NINJ2: variants seen among roughly 807,000 people sequenced by gnomAD.
The protein encoded by NINJ2 is ninjurin 2.
NINJ2 carries 12 observed loss-of-function variants against 11.7 expected under a neutral mutation model. The observed-to-expected ratio is 1.02, with a 90% CI of 0.66 to 1.66. The LOEUF is 1.66. Ranked by LOEUF, NINJ2 falls within the 40% of genes most tolerant of loss-of-function variation. The probability of loss-of-function intolerance (pLI) is 0.00; values close to 1 mark genes in which losing one functional copy is unlikely to be tolerated. For missense variants in NINJ2, 187 were observed against 181.8 expected (o/e 1.03, Z -0.16); for synonymous variants, 93 against 76.8 (o/e 1.21, Z -1.10).
intron 1 of NINJ2, among the ~76,000 whole-genome samples, chr12:574,676 C>T (rs1468789582): frequency 6.6e-6 from 1 of 152,236 alleles, no homozygotes; most frequent in African/African-American, 2.4e-5. Flanking sequence ...CTTGGACTTG[C>T]CAGTCTCCAG....
At position 653,022 on chromosome 12, in the gene NINJ2, T is replaced by C. The variant is rs548806337; in HGVS notation, c.33+10306A>G. Among the ~76,000 whole-genome samples the C allele has an allele frequency of 6.8e-3, 949 of 138,866 alleles. 19 individuals carry two copies. The highest frequency in any genetic ancestry group is 0.024 in the African/African-American group (899 of 37,622). The allele number at this position is 138,866 out of a possible 152,430, so 91.1% of individuals were successfully genotyped here. A position where few individuals can be genotyped will look rare whatever the true frequency, so the allele number is the denominator to read the frequency against. ...ATACAAAGTAATATTTTGTTTCTTT[T>C]TTTTTTTTTTTTTTTTGAGATGGAG... is the stretch of plus-strand genomic sequence containing the variant. On this transcript the variant is annotated intron_variant, in intron 1 of 3. Coordinates refer to ENST00000305108, the MANE Select transcript of NINJ2 (RefSeq NM_016533.6).
At chr12:621,938 C>T (rs1457228399) in intron 1 of NINJ2, among the ~76,000 whole-genome samples, 1 of 149,576 alleles carries the variant, frequency 6.7e-6, no homozygotes, top group Non-Finnish European at 1.5e-5. Flanking sequence ...TCGTGACCAG[C>T]CTGGCCAAGA....
chr12:659,902 T>C (rs992521426), intron 1 of NINJ2, among the ~76,000 whole-genome samples: 2 of 152,096 alleles, frequency 1.3e-5, no homozygotes, highest in African/African-American at 4.8e-5. Context: ...TACTAAGACA[T>C]TGAGGGTATG....
chr12:591,509 G>T lies in NINJ2; in HGVS notation c.34-25331C>A, dbSNP rs2607924. 1.2e-3 allele frequency among the ~76,000 whole-genome samples: 183 copies of T among 152,110 alleles called. 1 individual carries two copies. The highest frequency in any genetic ancestry group is 4.1e-3 in the African/African-American group (172 of 41,486). ...GGACTGAGTGCTGATTCACCTACTAGGTTGGTCAGAGGGTTGGGGGCAACT... is the reference window on the plus strand; with the variant it reads ...GGACTGAGTGCTGATTCACCTACTATGTTGGTCAGAGGGTTGGGGGCAACT... On this transcript the variant is annotated intron_variant, in intron 1 of 3. Coordinates refer to ENST00000305108, the MANE Select transcript of NINJ2 (RefSeq NM_016533.6). This position sits in a 1 kb window ranked among gnomAD's most constrained non-coding sequence, Gnocchi z 5.0.
chr12:575,232 T>C (rs1947438500), intron 1 of NINJ2, among the ~76,000 whole-genome samples: 1 of 152,208 alleles, frequency 6.6e-6, no homozygotes, highest in African/African-American at 2.4e-5. Context: ...GCATTGGGTC[T>C]CCAGGGTCAT....
intron 1 of NINJ2, among the ~76,000 whole-genome samples, chr12:622,456 C>CT: frequency 6.9e-6 from 1 of 144,790 alleles, no homozygotes; most frequent in East Asian, 2.0e-4. Flanking sequence ...AAGAAAGGGG[C>CT]TACCTAAAGA....
Position 663,421 on chromosome 12 carries a change from T to A in NINJ2, c.-61A>T, listed in dbSNP as rs1339859634. The A allele has an allele frequency of 5.6e-6, 9 of 1,613,978 alleles. No individual in the cohort carries two copies. The highest frequency in any genetic ancestry group is 7.6e-6 in the Non-Finnish European group (9 of 1,179,974). ...GCCGGGAACAGACTGCGTGGGCTCCTCCAGGCTCCGCCGTCTGAGTCTCTG... is the reference window on the plus strand; with the variant it reads ...GCCGGGAACAGACTGCGTGGGCTCCACCAGGCTCCGCCGTCTGAGTCTCTG... On this transcript the variant is annotated 5_prime_UTR_variant, in exon 1 of 4. Transcript: ENST00000305108.
At chr12:589,350 C>G in intron 1 of NINJ2, among the ~76,000 whole-genome samples, 1 of 152,166 alleles carries the variant, frequency 6.6e-6, no homozygotes, top group Non-Finnish European at 1.5e-5. Flanking sequence ...TCAGTAAGAA[C>G]ATGATATGAT....
chr12:602,730 G>A (rs1947888258), intron 1 of NINJ2, among the ~76,000 whole-genome samples: 1 of 152,180 alleles, frequency 6.6e-6, no homozygotes, highest in Non-Finnish European at 1.5e-5. Flanking sequence ...AGTAAAGTAG[G>A]AGATTCCAGT....
chr12:584,161 T>C (rs1001194979), intron 1 of NINJ2, among the ~76,000 whole-genome samples: 3 of 152,162 alleles, frequency 2.0e-5, no homozygotes, highest in Non-Finnish European at 4.4e-5. Flanking sequence ...ATGAAAGTGG[T>C]TTACAAACTG....
chr12:565,540 C>A (rs77250292), intron 2 of NINJ2, 139 bp from the exon 3 acceptor site: 3 of 895,008 alleles, frequency 3.4e-6, no homozygotes, highest in Non-Finnish European at 5.1e-6. Flanking sequence ...TGGTCGTCAT[C>A]GGGCTGAGAT....
intron 1 of NINJ2, among the ~76,000 whole-genome samples, chr12:601,731 T>C (rs1269072970): frequency 1.3e-5 from 2 of 151,890 alleles, no homozygotes. Flanking sequence ...CTGGGTGTGG[T>C]GGCGGGTGCC....
At chr12:617,287 G>T (rs772519965) in intron 1 of NINJ2, among the ~76,000 whole-genome samples, 1 of 152,146 alleles carries the variant, frequency 6.6e-6, no homozygotes, top group Non-Finnish European at 1.5e-5. Context: ...CCTGGGATGC[G>T]CTAAGAGGAC....
intron 1 of NINJ2, among the ~76,000 whole-genome samples, chr12:607,940 G>A (rs1324810672): frequency 6.6e-6 from 1 of 152,138 alleles, no homozygotes; most frequent in Non-Finnish European, 1.5e-5. Context: ...ATCAGCCACC[G>A]TCTTTGTGCT....
chr12:581,934 G>A lies in NINJ2; in HGVS notation c.34-15756C>T, dbSNP rs1313031553. 6.6e-6 allele frequency among the ~76,000 whole-genome samples: 1 copy of A among 152,086 alleles called. No homozygotes were observed. The highest frequency in any genetic ancestry group is 1.5e-5 in the Non-Finnish European group (1 of 68,018). ...TCCGCGGACGCTGAACACACAAAAAGCCCAGCCCTGGAGGGATTCCAATCC... is the reference window on the plus strand; with the variant it reads ...TCCGCGGACGCTGAACACACAAAAAACCCAGCCCTGGAGGGATTCCAATCC... On this transcript the variant is annotated intron_variant, in intron 1 of 3. Transcript: ENST00000305108. This position sits in a 1 kb window ranked among gnomAD's most constrained non-coding sequence, Gnocchi z 4.9.
intron 1 of NINJ2, among the ~76,000 whole-genome samples, chr12:653,126 T>A (rs1305216889): frequency 7.0e-6 from 1 of 142,666 alleles, no homozygotes; most frequent in Non-Finnish European, 1.5e-5. Context: ...GTTCACACCA[T>A]TCTCCTGCCT....
chr12:659,029 T>C (rs987732448), intron 1 of NINJ2, among the ~76,000 whole-genome samples: 1 of 147,410 alleles, frequency 6.8e-6, no homozygotes, highest in African/African-American at 2.5e-5. Flanking sequence ...TCTCTATATA[T>C]AACTGCTATT....
Position 633,054 on chromosome 12 carries a change from T to C in NINJ2, c.33+30274A>G, listed in dbSNP as rs1948302138. 6.6e-6 allele frequency among the ~76,000 whole-genome samples: 1 copy of C among 152,190 alleles called. No homozygotes were observed. The highest frequency in any genetic ancestry group is 2.4e-5 in the African/African-American group (1 of 41,448). Reference sequence around the variant, plus strand: ...TTTCAATCAGAAAGGTCGTGAAATATACCTCAGCCTGGCATTGGGCTTGGG... The same window carrying C: ...TTTCAATCAGAAAGGTCGTGAAATACACCTCAGCCTGGCATTGGGCTTGGG... On this transcript the variant is annotated intron_variant, in intron 1 of 3. Transcript: ENST00000305108. This position sits in a 1 kb window ranked among gnomAD's most constrained non-coding sequence, Gnocchi z 4.3.
intron 1 of NINJ2, among the ~76,000 whole-genome samples, chr12:661,791 G>A (rs1019845841): frequency 9.9e-5 from 15 of 152,212 alleles, no homozygotes; most frequent in African/African-American, 3.6e-4. Flanking sequence ...GAGGTCTTGG[G>A]CCAATTAGGT....
Sources: allele counts gnomAD v4.1 joint callset (sites outside exome capture counted in the v4.1 genomes callset), GRCh38; gene constraint gnomAD v4.1.1; non-coding constraint Gnocchi (gnomAD v3.1); transcripts MANE v1.5; gene names NCBI Gene and HGNC (gene_info 2026-07-23, HGNC 2026-07-21).